CNTNAP2: variants seen among roughly 807,000 people sequenced by gnomAD.
The protein encoded by CNTNAP2 is contactin-associated protein-like 2.
A neutral mutation model predicts 155.2 loss-of-function variants in CNTNAP2; 98 were observed. The observed-to-expected ratio is 0.63, with a 90% CI of 0.54 to 0.75. The LOEUF (loss-of-function observed/expected upper bound fraction) is 0.75. CNTNAP2 is among the 30% of genes least tolerant of loss of function. The pLI is 0.00. For synonymous variants in CNTNAP2, 651 were observed against 631.2 expected, an observed-to-expected ratio of 1.03 and a Z score of -0.47; for missense variants, 1,727 against 1,688.1, an observed-to-expected ratio of 1.02 and a Z score of -0.40.
rs145959535 is a variant in CNTNAP2, at chr7:147,564,247, C to T, written c.1897+1990C>T. Among the ~76,000 whole-genome samples, 33 of 151,274 alleles carry T rather than the reference C, an allele frequency of 2.2e-4. 1 individual carries two copies. In the East Asian group the frequency reaches 5.7e-3, roughly 26 times the overall value. ...TTTCTAAATTTCCCCTAGAAATATG[C>T]AAGATGCTAGCTCCCAGTTTAATTT... On this transcript the variant is annotated intron_variant, in intron 12 of 23. Coordinates refer to ENST00000361727, the MANE Select transcript of CNTNAP2 (RefSeq NM_014141.6).
intron 1 of CNTNAP2, among the ~76,000 whole-genome samples, chr7:146,399,317 C>T (rs980785381): frequency 6.6e-6 from 1 of 152,080 alleles, no homozygotes; most frequent in African/African-American, 2.4e-5. Context: ...GTAACATCTC[C>T]CCCAAACCTT....
intron 2 of CNTNAP2, among the ~76,000 whole-genome samples, chr7:146,809,389 C>G (rs1043810757): frequency 6.6e-6 from 1 of 151,448 alleles, no homozygotes; most frequent in Non-Finnish European, 1.5e-5. Flanking sequence ...TGAGATGGAG[C>G]CTCACTCTGT....
chr7:147,245,618 G>A (rs1804044067), intron 8 of CNTNAP2, among the ~76,000 whole-genome samples: 1 of 151,962 alleles, frequency 6.6e-6, no homozygotes, highest in African/African-American at 2.4e-5. Context: ...TGGAGCACGA[G>A]GTCAGGAGTT....
intron 14 of CNTNAP2, among the ~76,000 whole-genome samples, chr7:147,950,848 T>C (rs1800916630): frequency 1.3e-5 from 2 of 152,174 alleles, no homozygotes; most frequent in Non-Finnish European, 2.9e-5. Context: ...TCACCAGAGA[T>C]AGGGAGTGAA....
chr7:148,195,935 A>G (rs1256735455), intron 18 of CNTNAP2, among the ~76,000 whole-genome samples: 1 of 152,230 alleles, frequency 6.6e-6, no homozygotes, highest in Non-Finnish European at 1.5e-5. Flanking sequence ...GCATCCTTAC[A>G]AATGCATTCT....
intron 1 of CNTNAP2, among the ~76,000 whole-genome samples, chr7:146,237,165 A>C (rs1021320885): frequency 3.3e-5 from 5 of 152,192 alleles, no homozygotes; most frequent in Non-Finnish European, 5.9e-5. Flanking sequence ...CAGAAGCAGG[A>C]CCTTGGCAGG....
At chr7:146,901,571 A>G (rs868222678) in intron 3 of CNTNAP2, among the ~76,000 whole-genome samples, 2 of 152,190 alleles carry the variant, frequency 1.3e-5, no homozygotes, top group South Asian at 4.1e-4. Context: ...AAACAGAATC[A>G]CTTTCTAAAA....
intron 13 of CNTNAP2, among the ~76,000 whole-genome samples, chr7:147,775,379 A>T (rs1274587471): frequency 5.2e-5 from 5 of 95,870 alleles, no homozygotes; most frequent in African/African-American, 2.2e-4. Context: ...ATATATATTT[A>T]TATATATTTA....
intron 1 of CNTNAP2, among the ~76,000 whole-genome samples, chr7:146,582,202 A>C (rs1798622481): frequency 6.6e-6 from 1 of 152,074 alleles, no homozygotes; most frequent in African/African-American, 2.4e-5. Context: ...CCATAGCAAA[A>C]TCAAGTGTAA....
intron 15 of CNTNAP2, among the ~76,000 whole-genome samples, chr7:148,056,321 A>G (rs1803007818): frequency 6.6e-6 from 1 of 152,198 alleles, no homozygotes; most frequent in Non-Finnish European, 1.5e-5. Flanking sequence ...CCCAAAAACC[A>G]TGCAGTCAGT....
chr7:146,660,658 C>T (rs1800071276), intron 1 of CNTNAP2, among the ~76,000 whole-genome samples: 1 of 152,126 alleles, frequency 6.6e-6, no homozygotes, highest in Admixed American at 6.5e-5. Flanking sequence ...TTCTATCTTT[C>T]AGATGTCTCT....
chr7:146,185,761 C>CCTTTTTT (rs1554400925), intron 1 of CNTNAP2, among the ~76,000 whole-genome samples: 3 of 94,886 alleles, frequency 3.2e-5, no homozygotes, highest in Non-Finnish European at 2.4e-5. Flanking sequence ...TTTTATTATT[C>CCTTTTTT]TTTTTTTTTT....
At chr7:147,476,928 TTA>T (rs1491405182) in intron 10 of CNTNAP2, among the ~76,000 whole-genome samples, 4,808 of 137,696 alleles carry the variant, frequency 0.035, 140 homozygotes, top group African/African-American at 0.048. Context: ...ACTCTGTCAT[TTA>T]AAAAAAAAAA....
intron 1 of CNTNAP2, among the ~76,000 whole-genome samples, chr7:146,669,070 GATA>G (rs1293555978): frequency 3.3e-5 from 5 of 152,180 alleles, no homozygotes; most frequent in Non-Finnish European, 7.4e-5. Context: ...ATACTTTCCT[GATA>G]ATATATTTTG....
At chr7:147,232,284 A>G (rs1036160580) in intron 8 of CNTNAP2, among the ~76,000 whole-genome samples, 2 of 152,256 alleles carry the variant, frequency 1.3e-5, no homozygotes, top group Non-Finnish European at 2.9e-5. Context: ...CTAGTCATCA[A>G]AATTCCAATG....
intron 1 of CNTNAP2, among the ~76,000 whole-genome samples, chr7:146,432,238 T>C (rs1052773710): frequency 1.3e-5 from 2 of 152,138 alleles, no homozygotes; most frequent in Non-Finnish European, 2.9e-5. Context: ...GTGTTTCCTG[T>C]TAAATAATTC....
intron 1 of CNTNAP2, among the ~76,000 whole-genome samples, chr7:146,287,362 C>T (rs1419658703): frequency 1.3e-5 from 2 of 152,170 alleles, no homozygotes; most frequent in East Asian, 3.9e-4. Flanking sequence ...GCTTGCTTGG[C>T]GAATATTGAG....
chr7:146,988,164 A>G (rs748459868), intron 3 of CNTNAP2, among the ~76,000 whole-genome samples: 1 of 152,080 alleles, frequency 6.6e-6, no homozygotes, highest in Non-Finnish European at 1.5e-5. Flanking sequence ...ATGGTCCTAT[A>G]TGAGGAAATG....
At chr7:146,933,172 A>G (rs1201046477) in intron 3 of CNTNAP2, among the ~76,000 whole-genome samples, 1 of 151,788 alleles carries the variant, frequency 6.6e-6, no homozygotes, top group Non-Finnish European at 1.5e-5. Context: ...GCATCACGCT[A>G]CCTGACTTCA....
Sources: gnomAD v4.1 joint callset for allele counts (sites outside exome capture counted in the v4.1 genomes callset) on GRCh38, gnomAD v4.1.1 for gene constraint, MANE v1.5 for transcripts, NCBI Gene and HGNC (gene_info 2026-07-23, HGNC 2026-07-21) for gene names.